CNST: variants seen among roughly 807,000 people sequenced by gnomAD.
The protein encoded by CNST is consortin.
CNST carries 39 observed loss-of-function variants against 72.4 expected under a neutral mutation model. The observed-to-expected ratio is 0.54, with a 90% CI of 0.42 to 0.70. The LOEUF (loss-of-function observed/expected upper bound fraction) is 0.70. Ranked by LOEUF, CNST falls within the 30% of genes least tolerant of loss-of-function variation. The probability of loss-of-function intolerance (pLI) is 0.00; values close to 1 mark genes in which losing one functional copy is unlikely to be tolerated. For synonymous variants in CNST, 332 were observed against 320.1 expected (o/e 1.04, Z -0.40); for missense variants, 871 against 868.5 (o/e 1.00, Z -0.04).
At chr1:246,637,966 G>T (rs1431769974) in intron 6 of CNST, among the ~76,000 whole-genome samples, 1 of 152,186 alleles carries the variant, frequency 6.6e-6, no homozygotes, top group Non-Finnish European at 1.5e-5. Context: ...ACCTGGCCCT[G>T]GGCTTGGTGG....
intron 1 of CNST, among the ~76,000 whole-genome samples, chr1:246,582,951 CG>C (rs1660895129): frequency 6.6e-6 from 1 of 152,202 alleles, no homozygotes; most frequent in South Asian, 2.1e-4. Flanking sequence ...AGCACTCATT[CG>C]CCCTGTCTGA....
intron 9 of CNST, among the ~76,000 whole-genome samples, chr1:246,650,802 C>A (rs906617288): frequency 6.6e-5 from 10 of 151,474 alleles, no homozygotes; most frequent in Non-Finnish European, 1.3e-4. Context: ...CTCAGTCTGT[C>A]GAGTAGCTGG....
chr1:246,647,777 G>A lies in CNST; in HGVS notation c.1576G>A (p.Val526Met), dbSNP rs1666199032. ...TGACTTAGGCATACTGCTTCCAGAG[G>A]TGTGTATGGCCCCAGAGGAAAAGGG... is the stretch of plus-strand genomic sequence containing the variant. ...ISDLGILLPE[V>M]CMAPEEKGDK... is the part of the protein sequence containing the mutation. The change falls in exon 9 of 11, where the codon GTG becomes ATG. Residue 526 changes from valine to methionine, a missense_variant. Coordinates refer to ENST00000366513, the MANE Select transcript of CNST (RefSeq NM_152609.3). 6.2e-7 allele frequency: 1 copy of A among 1,614,172 alleles called. No individual in the cohort carries two copies. Among genetic ancestry groups the A allele is most frequent in the Non-Finnish European group, 8.5e-7 (1 of 1,180,044 alleles).
At chr1:246,610,303 A>G (rs1280191525) in intron 2 of CNST, among the ~76,000 whole-genome samples, 1 of 151,624 alleles carries the variant, frequency 6.6e-6, no homozygotes, top group Admixed American at 6.6e-5. Flanking sequence ...ACAAACAAAA[A>G]ACCTCCCCAT....
rs201330696 is a variant in CNST, at chr1:246,591,660, C to T, written c.98C>T (p.Pro33Leu). The change falls in exon 2 of 11, where the codon CCT (proline) becomes CTT (leucine). Residue 33 changes from proline (P) to leucine (L), a missense_variant. Coordinates refer to ENST00000366513, the MANE Select transcript of CNST (RefSeq NM_152609.3). ...GTGGAAAGGAGTGTGACCTGTCTGC[C>T]TTCTGCATCAGATGAAAATGAAAAT... ...DSVERSVTCLPSASDENENQL... is the reference protein window; with the variant it reads ...DSVERSVTCLLSASDENENQL... 4.9e-5 allele frequency: 79 copies of T among 1,614,192 alleles called. No individual in the cohort carries two copies. In the Middle Eastern group the frequency reaches 4.9e-4, roughly 10 times the overall value.
chr1:246,615,617 G>A (rs953548949), intron 2 of CNST, among the ~76,000 whole-genome samples: 4 of 148,928 alleles, frequency 2.7e-5, no homozygotes, highest in Non-Finnish European at 4.4e-5. Context: ...GGTGGCTCAC[G>A]CCTGTAATCC....
chr1:246,648,352 A>T, intron 9 of CNST: 1 of 417,378 alleles, frequency 2.4e-6, no homozygotes, highest in Non-Finnish European at 3.4e-6. Flanking sequence ...TCAAAACCAG[A>T]ATAGTCACAT....
intron 9 of CNST, among the ~76,000 whole-genome samples, chr1:246,657,978 C>A (rs1666861600): frequency 6.6e-6 from 1 of 152,108 alleles, no homozygotes; most frequent in Admixed American, 6.6e-5. Context: ...GTTGTTTTTT[C>A]TAAGTAGTTA....
chr1:246,635,678 C>T (rs1458351607), intron 6 of CNST, among the ~76,000 whole-genome samples: 15 of 151,458 alleles, frequency 9.9e-5, no homozygotes, highest in Admixed American at 3.9e-4. Flanking sequence ...GCATTTCCAG[C>T]GCTGGGGCGG....
intron 1 of CNST, among the ~76,000 whole-genome samples, chr1:246,574,243 G>T (rs551267818): frequency 1.3e-5 from 2 of 152,048 alleles, no homozygotes; most frequent in African/African-American, 2.4e-5. Context: ...GGATTTCACC[G>T]TGTTAGCCAG....
chr1:246,623,984 G>A (rs1358641749), intron 3 of CNST, among the ~76,000 whole-genome samples: 1 of 151,630 alleles, frequency 6.6e-6, no homozygotes, highest in African/African-American at 2.4e-5. Context: ...GATTGCATGA[G>A]CCCAGGAGTT....
Position 246,614,766 on chromosome 1 carries a change from G to A in CNST, c.380-6663G>A, listed in dbSNP as rs565601692. Among the ~76,000 whole-genome samples the A allele has an allele frequency of 9.9e-5, 15 of 152,108 alleles. No homozygotes were observed. The South Asian group carries it at 2.3e-3, about 23-fold the overall frequency. On this transcript the variant is annotated intron_variant, in intron 2 of 10. Coordinates refer to ENST00000366513, the MANE Select transcript of CNST (RefSeq NM_152609.3). ...ATTACAGATGTGAGCCACCATGCCC[G>A]GCTGACTGCAATAATTTTTTATTCT...
intron 9 of CNST, among the ~76,000 whole-genome samples, 169 bp from the exon 10 acceptor site, chr1:246,660,030 A>G (rs963074500): frequency 1.3e-5 from 2 of 152,230 alleles, no homozygotes; most frequent in African/African-American, 4.8e-5. Context: ...AGTCATCTGC[A>G]GAGAAGTGAA....
At chr1:246,648,394 A>G (rs11802065) in intron 9 of CNST, among the ~76,000 whole-genome samples, 42,588 of 152,002 alleles carry the variant, frequency 0.28, 6,701 homozygotes, top group East Asian at 0.67. Context: ...TTCTTCTCAT[A>G]CATCTAGCAG....
chr1:246,646,476 C>CT (rs991328458), intron 8 of CNST, among the ~76,000 whole-genome samples: 1 of 151,870 alleles, frequency 6.6e-6, no homozygotes, highest in African/African-American at 2.4e-5. Context: ...TACACCATGT[C>CT]TTTTTTTGTT....
At chr1:246,650,163 C>T (rs544930906) in intron 9 of CNST, among the ~76,000 whole-genome samples, 110 of 152,022 alleles carry the variant, frequency 7.2e-4, no homozygotes, top group Non-Finnish European at 1.4e-3. Context: ...ATTAATGTTG[C>T]GTATTACAAT....
chr1:246,665,885 C>T lies in CNST; in HGVS notation c.2158C>T (p.His720Tyr). ...ACTTCAGGGAGTGGCAGAACTGAAGCACTGGATCTACCTCTCCTAGCAGCA... is the reference window on the plus strand; with the variant it reads ...ACTTCAGGGAGTGGCAGAACTGAAGTACTGGATCTACCTCTCCTAGCAGCA... Reference protein sequence around the residue: ...KLLQGVAELKHWIYLS With the variant: ...KLLQGVAELKYWIYLS Residue 720 changes from histidine to tyrosine, a missense_variant, in exon 11 of 11, where the codon CAC becomes TAC. Coordinates refer to ENST00000366513, the MANE Select transcript of CNST (RefSeq NM_152609.3). 6.2e-7 allele frequency: 1 copy of T among 1,612,546 alleles called. No individual in the cohort carries two copies. Among genetic ancestry groups the T allele is most frequent in the South Asian group, 1.1e-5 (1 of 91,038 alleles).
chr1:246,656,642 A>G (rs766005607), intron 9 of CNST, among the ~76,000 whole-genome samples: 1 of 152,198 alleles, frequency 6.6e-6, no homozygotes, highest in African/African-American at 2.4e-5. Context: ...AACAATGGAA[A>G]TATTTTTAAG....
At position 246,647,290 on chromosome 1, in the gene CNST, G is replaced by A. The variant is rs149614716; in HGVS notation, c.1089G>A (p.Leu363=). ...VTAGKDHMEE[L]LCSAEATLAL... ...CAGGAAAGGACCACATGGAGGAGCT[G>A]CTCTGCAGCGCTGAAGCCACGTTAG... is the stretch of plus-strand genomic sequence containing the variant. The change falls in exon 9 of 11, where the codon CTG becomes CTA. Residue 363 remains leucine, a synonymous_variant. Transcript: ENST00000366513. 8.5e-5 allele frequency: 137 copies of A among 1,614,142 alleles called. No homozygotes were observed. The African/African-American group carries it at 1.6e-3, about 19-fold the overall frequency.
Sources: allele counts gnomAD v4.1 joint callset (sites outside exome capture counted in the v4.1 genomes callset), GRCh38; gene constraint gnomAD v4.1.1; transcripts MANE v1.5; gene names NCBI Gene and HGNC (gene_info 2026-07-23, HGNC 2026-07-21).